Variants in STXBP6 observed in about 807,000 individuals in gnomAD.
STXBP6 encodes the protein syntaxin-binding protein 6.
A neutral mutation model predicts 26.9 loss-of-function variants in STXBP6; 21 were observed. The observed-to-expected ratio is 0.78, with a 90% CI of 0.55 to 1.12. STXBP6 has a LOEUF of 1.12. STXBP6 is among the 50% of genes most tolerant of loss of function. The pLI is 0.00. For synonymous variants in STXBP6, 97 were observed against 92.6 expected, an observed-to-expected ratio of 1.05 and a Z score of -0.27; for missense variants, 232 against 257.9, an observed-to-expected ratio of 0.90 and a Z score of 0.69.
intron 4 of STXBP6, among the ~76,000 whole-genome samples, chr14:24,836,387 A>G (rs142011758): frequency 0.014 from 2,166 of 152,252 alleles, 38 homozygotes; most frequent in Middle Eastern, 0.037. Context: ...ACCTGAGGTT[A>G]GCAGCTCGAG....
intron 1 of STXBP6, among the ~76,000 whole-genome samples, chr14:24,992,900 G>C (rs2074510717): frequency 6.6e-6 from 1 of 152,148 alleles, no homozygotes; most frequent in Non-Finnish European, 1.5e-5. Flanking sequence ...CTGAACTGTT[G>C]ACCATGACCA....
In STXBP6 at chr14:25,011,762, G is replaced by T. The variant is rs2075037517; in HGVS notation, c.-32-36912C>A. Among the ~76,000 whole-genome samples the T allele has an allele frequency of 2.0e-5, 3 of 152,008 alleles. No homozygotes were observed. The South Asian group carries it at 6.2e-4, about 32-fold the overall frequency. On this transcript the variant is annotated intron_variant, in intron 1 of 5. Coordinates refer to ENST00000323944, the MANE Select transcript of STXBP6 (RefSeq NM_001394410.1). ...CAGGATTTGGTTCAGCCAACTACAG[G>T]ATGAAAAAAAAGTATTTCTAAGCTA...
intron 2 of STXBP6, among the ~76,000 whole-genome samples, chr14:24,899,729 C>A (rs992994281): frequency 4.7e-5 from 6 of 129,032 alleles, no homozygotes; most frequent in Admixed American, 2.2e-4. Flanking sequence ...TGCAGTGAGC[C>A]GAGATCGTGC....
intron 2 of STXBP6, among the ~76,000 whole-genome samples, chr14:24,877,934 T>G (rs1323562988): frequency 7.9e-5 from 12 of 152,186 alleles, no homozygotes. Flanking sequence ...CAAGCTATGC[T>G]TTTTGCCAAT....
chr14:24,902,408 C>T (rs949120257), intron 2 of STXBP6, among the ~76,000 whole-genome samples: 1 of 152,062 alleles, frequency 6.6e-6, no homozygotes, highest in Non-Finnish European at 1.5e-5. Flanking sequence ...AATATTTGTC[C>T]CCCACCTCGC....
intron 1 of STXBP6, among the ~76,000 whole-genome samples, chr14:25,040,046 C>G (rs1234641154): frequency 1.3e-5 from 2 of 152,034 alleles, no homozygotes; most frequent in Non-Finnish European, 2.9e-5. Context: ...GGTGACCACA[C>G]GTACATAAAG....
At chr14:25,002,257 C>A (rs907208737) in intron 1 of STXBP6, among the ~76,000 whole-genome samples, 1 of 151,802 alleles carries the variant, frequency 6.6e-6, no homozygotes, top group East Asian at 1.9e-4. Context: ...TTGATCATGA[C>A]AGACTATTTC....
intron 1 of STXBP6, among the ~76,000 whole-genome samples, chr14:25,044,697 C>G (rs1386464174): frequency 6.6e-6 from 1 of 152,212 alleles, no homozygotes; most frequent in Non-Finnish European, 1.5e-5. Context: ...CTCACTGCAG[C>G]CTTGACCTGC....
rs770589326 is a variant in STXBP6 at position 24,819,365 on chromosome 14, C to T, written c.452-171G>A. 11 of 732,452 alleles carry T rather than the reference C, an allele frequency of 1.5e-5. No individual in the cohort carries two copies. The East Asian group carries it at 3.0e-4, about 20-fold the overall frequency. The allele number at this position is 732,452 out of a possible 1,614,324, so 45.4% of individuals were successfully genotyped here. Reference sequence around the variant, plus strand: ...TTCTTTTGATTGGGTTTGACTGACGCACTTGCAGCAAGAACACCCACTGAC... The same window carrying T: ...TTCTTTTGATTGGGTTTGACTGACGTACTTGCAGCAAGAACACCCACTGAC... On this transcript the variant is annotated intron_variant, in intron 4 of 5. Coordinates refer to ENST00000323944, the MANE Select transcript of STXBP6 (RefSeq NM_001394410.1).
intron 5 of STXBP6, among the ~76,000 whole-genome samples, chr14:24,813,256 A>G (rs1379456448): frequency 6.6e-6 from 1 of 152,216 alleles, no homozygotes; most frequent in Non-Finnish European, 1.5e-5. Flanking sequence ...GACGAGGGCC[A>G]AAACACACCA....
intron 1 of STXBP6, among the ~76,000 whole-genome samples, chr14:25,041,652 G>A (rs1213038297): frequency 2.0e-5 from 3 of 152,180 alleles, no homozygotes; most frequent in Non-Finnish European, 4.4e-5. Context: ...TATGGAAAGT[G>A]ACTAGACTGC....
intron 2 of STXBP6, among the ~76,000 whole-genome samples, chr14:24,865,301 G>A (rs767625599): frequency 6.6e-6 from 1 of 152,084 alleles, no homozygotes; most frequent in Non-Finnish European, 1.5e-5. Context: ...TGAATAAGGT[G>A]AGCCCTACAA....
chr14:25,004,080 A>G (rs147726826), intron 1 of STXBP6, among the ~76,000 whole-genome samples: 85 of 152,352 alleles, frequency 5.6e-4, no homozygotes, highest in Non-Finnish European at 1.1e-3. Context: ...ACAAGTTGAC[A>G]TTAACAAGAG....
chr14:24,871,124 T>C (rs1347933719), intron 2 of STXBP6, among the ~76,000 whole-genome samples: 1 of 152,092 alleles, frequency 6.6e-6, no homozygotes, highest in Non-Finnish European at 1.5e-5. Context: ...CTTTTTTCAC[T>C]ACTTTCATAT....
chr14:24,827,913 T>A (rs1350287216), intron 4 of STXBP6, among the ~76,000 whole-genome samples: 1 of 152,198 alleles, frequency 6.6e-6, no homozygotes, highest in Admixed American at 6.5e-5. Context: ...TATCAGTTTC[T>A]TACTATGTAG....
chr14:24,814,686 A>G (rs2067919564), intron 5 of STXBP6, among the ~76,000 whole-genome samples: 1 of 152,230 alleles, frequency 6.6e-6, no homozygotes. Context: ...GTGTTTCCCC[A>G]GAATTCTTAT....
intron 4 of STXBP6, among the ~76,000 whole-genome samples, chr14:24,832,336 G>A (rs2068478610): frequency 1.3e-5 from 2 of 152,186 alleles, no homozygotes; most frequent in Admixed American, 1.3e-4. Context: ...ATCCAGATGA[G>A]CTTGAGCATC....
intron 2 of STXBP6, among the ~76,000 whole-genome samples, chr14:24,949,927 G>C (rs1044555493): frequency 3.3e-5 from 5 of 152,114 alleles, no homozygotes; most frequent in African/African-American, 1.2e-4. Flanking sequence ...CCTCACTTCT[G>C]TTTTCTGTAC....
intron 2 of STXBP6, among the ~76,000 whole-genome samples, chr14:24,957,791 C>A (rs963099045): frequency 6.6e-6 from 1 of 152,232 alleles, no homozygotes; most frequent in East Asian, 1.9e-4. Context: ...GATTATACAG[C>A]TAGTCAGTAG....
Sources: gnomAD v4.1 joint callset for allele counts (sites outside exome capture counted in the v4.1 genomes callset) on GRCh38, gnomAD v4.1.1 for gene constraint, MANE v1.5 for transcripts, NCBI Gene and HGNC (gene_info 2026-07-23, HGNC 2026-07-21) for gene names.